WWOX: variants seen among roughly 807,000 people sequenced by gnomAD.
WWOX encodes the protein WW domain containing oxidoreductase.
Under a neutral mutation model 46.2 loss-of-function variants are expected in WWOX, and 69 were observed. That is an observed-to-expected ratio of 1.49 (90% CI 1.23 to 1.82). The LOEUF (loss-of-function observed/expected upper bound fraction) is 1.82, where lower values mean the gene tolerates loss of function less well. WWOX is among the 40% of genes most tolerant of loss of function. The probability of loss-of-function intolerance (pLI) is 0.00; values close to 1 mark genes in which losing one functional copy is unlikely to be tolerated. For synonymous variants in WWOX, 359 were observed against 202.6 expected (o/e 1.77, Z -6.56); for missense variants, 919 against 542.6 (o/e 1.69, Z -6.89).
intron 8 of WWOX, among the ~76,000 whole-genome samples, chr16:78,774,355 C>A (rs980317199): frequency 6.6e-6 from 1 of 152,080 alleles, no homozygotes; most frequent in Non-Finnish European, 1.5e-5. Context: ...GAGCCGAGAT[C>A]GCGCCACTGC....
At chr16:78,901,842 G>A (rs886170175) in intron 8 of WWOX, among the ~76,000 whole-genome samples, 1 of 152,218 alleles carries the variant, frequency 6.6e-6, no homozygotes, top group Non-Finnish European at 1.5e-5. Context: ...CGCTGCCCAG[G>A]ATAGAGGAGG....
chr16:78,110,287 C>T (rs1039031262), intron 3 of WWOX, among the ~76,000 whole-genome samples: 1 of 141,136 alleles, frequency 7.1e-6, no homozygotes, highest in Non-Finnish European at 1.5e-5. Context: ...TTGCAGTGAG[C>T]TGAGATCGCG....
chr16:78,375,394 C>T (rs572920265), intron 5 of WWOX, among the ~76,000 whole-genome samples: 1 of 152,192 alleles, frequency 6.6e-6, no homozygotes, highest in Admixed American at 6.5e-5. Context: ...ACTTGCATTT[C>T]TATTTAATGG....
intron 8 of WWOX, among the ~76,000 whole-genome samples, chr16:78,641,118 G>A (rs1230163472): frequency 6.6e-6 from 1 of 152,126 alleles, no homozygotes; most frequent in Non-Finnish European, 1.5e-5. Context: ...GGCTGTGGTT[G>A]TGAACAGGTG....
At chr16:78,364,732 A>G (rs1443942285) in intron 5 of WWOX, among the ~76,000 whole-genome samples, 2 of 152,134 alleles carry the variant, frequency 1.3e-5, no homozygotes, top group East Asian at 1.9e-4. Context: ...AGCATCTGTT[A>G]GTGTTTGAAG....
At chr16:78,474,685 T>G (rs1022439663) in intron 8 of WWOX, among the ~76,000 whole-genome samples, 2 of 152,114 alleles carry the variant, frequency 1.3e-5, no homozygotes, top group East Asian at 1.9e-4. Flanking sequence ...GTCAGTTTTC[T>G]TACCTGAAGG....
At chr16:78,300,643 A>G (rs78308730) in intron 5 of WWOX, among the ~76,000 whole-genome samples, 5,548 of 152,204 alleles carry the variant, frequency 0.036, 137 homozygotes, top group Non-Finnish European at 0.056. Context: ...TTTTCGGGAA[A>G]TGATTCATTA....
chr16:78,140,332 T>G (rs910983926), intron 4 of WWOX, among the ~76,000 whole-genome samples: 1 of 152,154 alleles, frequency 6.6e-6, no homozygotes, highest in African/African-American at 2.4e-5. Flanking sequence ...GAGTCCCAGT[T>G]TGATGAATTC....
intron 8 of WWOX, among the ~76,000 whole-genome samples, chr16:78,785,903 TTTTTA>T (rs1184881677): frequency 6.6e-6 from 1 of 152,198 alleles, no homozygotes; most frequent in African/African-American, 2.4e-5. Flanking sequence ...TAATATTTCT[TTTTTA>T]TTTTATTTTA....
intron 8 of WWOX, chr16:78,895,260 T>G (rs1567632707): frequency 6.6e-6 from 1 of 152,228 alleles, no homozygotes; most frequent in Non-Finnish European, 1.5e-5. Context: ...TGGGTTTGCC[T>G]CACTTTTCTG....
intron 8 of WWOX, among the ~76,000 whole-genome samples, chr16:78,995,215 C>T (rs917559785): frequency 2.6e-5 from 4 of 151,956 alleles, no homozygotes; most frequent in Admixed American, 6.6e-5. Flanking sequence ...TTTCCAAATA[C>T]GTGATTCCAA....
chr16:78,351,995 A>G (rs904977184), intron 5 of WWOX, among the ~76,000 whole-genome samples: 1 of 152,152 alleles, frequency 6.6e-6, no homozygotes, highest in African/African-American at 2.4e-5. Flanking sequence ...CAAGAGTCAA[A>G]CACTCAAATG....
chr16:78,383,776 C>T (rs539416297), intron 5 of WWOX, among the ~76,000 whole-genome samples: 4 of 152,246 alleles, frequency 2.6e-5, no homozygotes, highest in African/African-American at 9.6e-5. Flanking sequence ...AATGGGAAAC[C>T]TGATACCTAG....
intron 8 of WWOX, among the ~76,000 whole-genome samples, chr16:78,724,704 G>A (rs1397066330): frequency 1.3e-5 from 2 of 152,120 alleles, no homozygotes; most frequent in East Asian, 1.9e-4. Flanking sequence ...TGAGATTGAA[G>A]CTCGCACTCT....
At chr16:78,122,443 A>G (rs2033142974) in intron 4 of WWOX, among the ~76,000 whole-genome samples, 1 of 152,210 alleles carries the variant, frequency 6.6e-6, no homozygotes, top group South Asian at 2.1e-4. Flanking sequence ...AAAAAAATTA[A>G]TAATAGATTT....
Position 78,546,307 on chromosome 16 carries a change from G to T in WWOX, c.1056+113555G>T, listed in dbSNP as rs113958971. Among the ~76,000 whole-genome samples, 42 of 152,268 alleles carry T rather than the reference G, an allele frequency of 2.8e-4. 1 individual carries two copies. Among genetic ancestry groups the T allele is most frequent in the African/African-American group, 9.6e-4 (40 of 41,554 alleles). On this transcript the variant is annotated intron_variant, in intron 8 of 8. Coordinates refer to ENST00000566780, the MANE Select transcript of WWOX (RefSeq NM_016373.4). ...ACAGAAGGGGGTCAGGCAGGAGAAG[G>T]CTTGGGACCAGGAGGTAGAGAAAAC...
intron 8 of WWOX, among the ~76,000 whole-genome samples, chr16:78,600,604 T>G (rs1356346456): frequency 6.6e-6 from 1 of 152,182 alleles, no homozygotes; most frequent in South Asian, 2.1e-4. Context: ...AGGACCCATC[T>G]TGTGACTGCA....
intron 8 of WWOX, chr16:79,205,024 G>C (rs1313723010): frequency 6.6e-6 from 1 of 152,140 alleles, no homozygotes; most frequent in Non-Finnish European, 1.5e-5. Context: ...CTTCCTTCTA[G>C]CCAGACTCGG....
intron 8 of WWOX, among the ~76,000 whole-genome samples, chr16:78,503,015 A>C (rs2085108726): frequency 6.6e-6 from 1 of 152,198 alleles, no homozygotes; most frequent in Non-Finnish European, 1.5e-5. Context: ...TGTATGATTA[A>C]TGAGTCCATG....
Sources: allele counts gnomAD v4.1 joint callset (sites outside exome capture counted in the v4.1 genomes callset), GRCh38; gene constraint gnomAD v4.1.1; transcripts MANE v1.5; gene names NCBI Gene and HGNC (gene_info 2026-07-23, HGNC 2026-07-21).